The following FAM118B variants were observed in gnomAD, a reference collection of about 807,000 sequenced individuals.
FAM118B encodes SIR2 antiphage like 1.
Under a neutral mutation model 38.5 loss-of-function variants are expected in FAM118B, and 24 were observed. The ratio of observed to expected loss-of-function variants is 0.62; its 90% CI spans 0.45 to 0.88. The LOEUF is 0.88. Ranked by LOEUF, FAM118B falls within the 40% of genes least tolerant of loss-of-function variation. The pLI is 0.00. For missense variants in FAM118B, 334 were observed against 420.0 expected (o/e 0.80, Z 1.79); for synonymous variants, 138 against 156.3 (o/e 0.88, Z 0.87).
At chr11:126,261,962 C>T (rs1950710130) in intron 8 of FAM118B, among the ~76,000 whole-genome samples, 158 bp from the exon 9 acceptor site, 1 of 152,142 alleles carries the variant, frequency 6.6e-6, no homozygotes, top group African/African-American at 2.4e-5. Flanking sequence ...AAGACCTTGT[C>T]TCTAAAAAGT....
intron 2 of FAM118B, among the ~76,000 whole-genome samples, chr11:126,232,120 G>C (rs886662245): frequency 6.6e-6 from 1 of 152,146 alleles, no homozygotes; most frequent in Non-Finnish European, 1.5e-5. Context: ...ATGCTTGTGA[G>C]CAGAAAGAAG....
At chr11:126,258,320 G>A (rs1445469899) in intron 7 of FAM118B, among the ~76,000 whole-genome samples, 1 of 152,198 alleles carries the variant, frequency 6.6e-6, no homozygotes, top group East Asian at 1.9e-4. Flanking sequence ...CCAGGAGTTG[G>A]AGTCTGCAGT....
At chr11:126,214,500 T>G (rs970179218) in intron 1 of FAM118B, 23 of 80,450 alleles carry the variant, frequency 2.9e-4, no homozygotes, top group African/African-American at 6.9e-4. Flanking sequence ...GTTTTTTTTT[T>G]TTGTTTTTTT....
chr11:126,245,665 G>T (rs1039464238), intron 4 of FAM118B, among the ~76,000 whole-genome samples: 12 of 151,960 alleles, frequency 7.9e-5, no homozygotes, highest in African/African-American at 2.9e-4. Context: ...TTGTACCTCA[G>T]CCTGGGCAAC....
chr11:126,214,463 G>T (rs1591496334), intron 1 of FAM118B: 1 of 101,162 alleles, frequency 9.9e-6, no homozygotes, highest in Non-Finnish European at 1.9e-5. Context: ...CTGCAATACT[G>T]CCACTGCAAA....
rs748325604 is a variant in FAM118B at position 126,261,442 on chromosome 11, G to GTC, written c.1000_1001insTC (p.Gly334ValfsTer4). On this transcript the variant is annotated frameshift_variant, in exon 8 of 9. Coordinates refer to ENST00000533050, the MANE Select transcript of FAM118B (RefSeq NM_024556.4). LOFTEE classifies it high-confidence loss of function. ...CTATTTAGCAGGGATGGTGAGAGAA[G>GTC]GTCAGCTAAATGGCTCATCTGCAGC... 4 of 1,613,950 alleles carry GTC rather than the reference G, an allele frequency of 2.5e-6. No individual in the cohort carries two copies. The South Asian group carries it at 4.4e-5, about 18-fold the overall frequency.
rs1950578133 is a variant in FAM118B at position 126,256,272 on chromosome 11, T to C, written c.697-295T>C. ...AAGAGTGAGACTCCGTCTCAAAAAA[T>C]ATATAAAGCATAAAAAATAAAGAAG... On this transcript the variant is annotated intron_variant, in intron 6 of 8. Coordinates refer to ENST00000533050, the MANE Select transcript of FAM118B (RefSeq NM_024556.4). This position sits in a 1 kb window ranked among gnomAD's most constrained non-coding sequence, Gnocchi z 6.6. Among the ~76,000 whole-genome samples the C allele has an allele frequency of 6.6e-6, 1 of 152,148 alleles. No individual in the cohort carries two copies. The highest frequency in any genetic ancestry group is 2.1e-4 in the South Asian group (1 of 4,830).
At position 126,237,215 on chromosome 11, in the gene FAM118B, C is replaced by CTTTTTTTT. The variant is rs34631802; in HGVS notation, c.86+2144_86+2151dup. 5.6e-4 allele frequency among the ~76,000 whole-genome samples: 24 copies of CTTTTTTTT among 43,108 alleles called. 2 individuals are homozygous for CTTTTTTTT. Among genetic ancestry groups the CTTTTTTTT allele is most frequent in the East Asian group, 1.8e-3 (2 of 1,102 alleles). The allele number at this position is 43,108 out of a possible 152,430, so 28.3% of individuals were successfully genotyped here. ...ACAGACGTGAGCCACCGCGCCTGGC[C>CTTTTTTTT]TTTTTTTTTTTTTTTTTTTTTTTGA... On this transcript the variant is annotated intron_variant, in intron 3 of 8. Transcript: ENST00000533050.
chr11:126,242,027 A>C (rs1019469124), intron 4 of FAM118B, among the ~76,000 whole-genome samples: 1 of 142,682 alleles, frequency 7.0e-6, no homozygotes, highest in Non-Finnish European at 1.5e-5. Context: ...TCCGTCTCAA[A>C]AAAAAAAAAA....
intron 1 of FAM118B, among the ~76,000 whole-genome samples, chr11:126,222,599 G>C (rs1169072804): frequency 6.6e-6 from 1 of 152,168 alleles, no homozygotes; most frequent in Non-Finnish European, 1.5e-5. Flanking sequence ...TTATGTTTAG[G>C]GATGAACAGC....
chr11:126,218,082 C>T (rs947042279), intron 1 of FAM118B, among the ~76,000 whole-genome samples: 1 of 152,214 alleles, frequency 6.6e-6, no homozygotes, highest in Non-Finnish European at 1.5e-5. Flanking sequence ...TTCACGTCCT[C>T]TAGTTCCGGG....
chr11:126,256,758 G>A lies in FAM118B; in HGVS notation c.888G>A (p.Lys296=). Residue 296 remains lysine (K), a synonymous_variant, in exon 7 of 9, where the codon AAG becomes AAA. Coordinates refer to ENST00000533050, the MANE Select transcript of FAM118B (RefSeq NM_024556.4). The surrounding 1 kb of genome is among the most constrained non-coding windows in gnomAD (Gnocchi z 6.6). ...FKKLRENMLD[K]GIKVISYGDD... Reference sequence around the variant, plus strand: ...AGCTTCGAGAAAACATGCTGGACAAGGGGATTAAAGTCATCTCCTATGGAG... The same window carrying A: ...AGCTTCGAGAAAACATGCTGGACAAAGGGATTAAAGTCATCTCCTATGGAG... 6.2e-7 allele frequency: 1 copy of A among 1,614,152 alleles called. No homozygotes were observed. The highest frequency in any genetic ancestry group is 1.3e-5 in the African/African-American group (1 of 75,062).
At chr11:126,215,162 C>T (rs537785765) in intron 1 of FAM118B, among the ~76,000 whole-genome samples, 2 of 152,172 alleles carry the variant, frequency 1.3e-5, no homozygotes, top group Non-Finnish European at 2.9e-5. Context: ...ATTTGGGCTT[C>T]AGTTTTTTGT....
chr11:126,246,294 C>T (rs1157725355), intron 4 of FAM118B, among the ~76,000 whole-genome samples: 1 of 152,092 alleles, frequency 6.6e-6, no homozygotes, highest in Non-Finnish European at 1.5e-5. Flanking sequence ...ATCAACTCAG[C>T]AGTACTATGG....
At position 126,241,057 on chromosome 11, in the gene FAM118B, G is replaced by C; in HGVS notation, c.339+13G>C. 1 of 1,557,634 alleles carries C rather than the reference G, an allele frequency of 6.4e-7. No homozygotes were observed. The highest frequency in any genetic ancestry group is 8.7e-7 in the Non-Finnish European group (1 of 1,152,104). ...GAAACTCTCTCCTGTGAGTACCCTA[G>C]TATGTGCCACAGTATTTGGAATTTC... On this transcript the variant is annotated intron_variant, in intron 4 of 8. Coordinates refer to ENST00000533050, the MANE Select transcript of FAM118B (RefSeq NM_024556.4).
At chr11:126,229,545 C>T (rs1345117979) in intron 2 of FAM118B, among the ~76,000 whole-genome samples, 1 of 152,122 alleles carries the variant, frequency 6.6e-6, no homozygotes, top group Non-Finnish European at 1.5e-5. Context: ...CAGGTTCAAG[C>T]GACTCTACTG....
At chr11:126,233,745 A>C (rs956936681) in intron 2 of FAM118B, 16 of 456,280 alleles carry the variant, frequency 3.5e-5, no homozygotes, top group African/African-American at 2.6e-4. Flanking sequence ...CCTTCTGTTT[A>C]CCACAAAAAA....
intron 1 of FAM118B, among the ~76,000 whole-genome samples, chr11:126,212,392 G>A (rs1169787998): frequency 6.6e-6 from 1 of 152,098 alleles, no homozygotes; most frequent in East Asian, 1.9e-4. Context: ...CACTTTTCCT[G>A]TTTCCTTTAT....
intron 2 of FAM118B, 39 bp downstream of exon 2, chr11:126,229,332 A>G (rs910572572): frequency 2.0e-5 from 3 of 152,304 alleles, no homozygotes; most frequent in African/African-American, 7.2e-5. Context: ...TCTAATTCAA[A>G]TTAGGTTTTA....
Sources: allele counts gnomAD v4.1 joint callset (sites outside exome capture counted in the v4.1 genomes callset), GRCh38; gene constraint gnomAD v4.1.1; non-coding constraint Gnocchi (gnomAD v3.1); transcripts MANE v1.5; gene names NCBI Gene and HGNC (gene_info 2026-07-23, HGNC 2026-07-21).